The following KCNJ6 variants were observed in gnomAD, a reference collection of about 807,000 sequenced individuals.
The protein encoded by KCNJ6 is potassium inwardly rectifying channel subfamily J member 6, also known as G protein-activated inward rectifier potassium channel 2.
KCNJ6 carries 9 observed loss-of-function variants against 34.2 expected under a neutral mutation model. The observed-to-expected ratio is 0.26, with a 90% CI of 0.16 to 0.46. The LOEUF (loss-of-function observed/expected upper bound fraction) is 0.46, where lower values mean the gene tolerates loss of function less well. KCNJ6 is among the 20% of genes least tolerant of loss of function. The pLI is 1.00. For missense variants in KCNJ6, 236 were observed against 531.3 expected, an observed-to-expected ratio of 0.44 and a Z score of 5.46; for synonymous variants, 196 against 207.1, an observed-to-expected ratio of 0.95 and a Z score of 0.46.
At chr21:37,721,056 T>C (rs2054823882) in intron 2 of KCNJ6, among the ~76,000 whole-genome samples, 1 of 152,092 alleles carries the variant, frequency 6.6e-6, no homozygotes, top group African/African-American at 2.4e-5. Context: ...GGATCCAGAA[T>C]ATATAAAGAA....
chr21:37,717,696 C>T (rs1288367868), intron 2 of KCNJ6, among the ~76,000 whole-genome samples: 1 of 152,224 alleles, frequency 6.6e-6, no homozygotes, highest in Non-Finnish European at 1.5e-5. Context: ...GCGAAGGGTC[C>T]AGCAGGCCTG....
chr21:37,756,893 C>T (rs372649830), intron 2 of KCNJ6, among the ~76,000 whole-genome samples: 760 of 76,532 alleles, frequency 9.9e-3, no homozygotes, highest in South Asian at 0.013. Flanking sequence ...GTGAGCACTC[C>T]CTCACAGCGT....
chr21:37,661,549 G>A lies in KCNJ6; in HGVS notation c.947-36065C>T, dbSNP rs897206209. On this transcript the variant is annotated intron_variant, in intron 3 of 3. Coordinates refer to ENST00000609713, the MANE Select transcript of KCNJ6 (RefSeq NM_002240.5). ...GAATCCTGCCTTAGACTACCAGTAA[G>A]TCATATTAATCTATAGCTACATGTA... Among the ~76,000 whole-genome samples the A allele has an allele frequency of 5.1e-4, 73 of 144,414 alleles. 1 individual carries two copies. Among genetic ancestry groups the A allele is most frequent in the African/African-American group, 1.7e-3 (68 of 39,480 alleles). 94.7% of individuals were successfully genotyped at this position (144,414 alleles called of 152,430 possible).
At chr21:37,673,794 G>A (rs573283993) in intron 3 of KCNJ6, among the ~76,000 whole-genome samples, 1 of 152,350 alleles carries the variant, frequency 6.6e-6, no homozygotes, top group African/African-American at 2.4e-5. Flanking sequence ...TTTGAAGGAT[G>A]AGTAGGAGTT....
At chr21:37,767,495 C>T (rs1004699145) in intron 2 of KCNJ6, among the ~76,000 whole-genome samples, 1 of 152,152 alleles carries the variant, frequency 6.6e-6, no homozygotes, top group Non-Finnish European at 1.5e-5. Flanking sequence ...GAGGCTGGGC[C>T]ACACTTGGGA....
intron 2 of KCNJ6, among the ~76,000 whole-genome samples, chr21:37,718,124 CCATCTGGAGTTGAGTGTGT>C (rs1192745892): frequency 6.6e-6 from 1 of 152,132 alleles, no homozygotes; most frequent in Non-Finnish European, 1.5e-5. Context: ...GAGTCTTGGC[CCATCTGGAGTTGAGTGTGT>C]CTTCCTGGGC....
intron 2 of KCNJ6, among the ~76,000 whole-genome samples, chr21:37,748,098 C>T (rs1601451452): frequency 2.0e-5 from 3 of 152,276 alleles, no homozygotes; most frequent in East Asian, 1.9e-4. Context: ...CCCCTCCACA[C>T]GTTTTATGGA....
intron 3 of KCNJ6, among the ~76,000 whole-genome samples, chr21:37,651,974 G>T (rs1472566664): frequency 6.6e-6 from 1 of 152,150 alleles, no homozygotes; most frequent in Non-Finnish European, 1.5e-5. Flanking sequence ...TGAGTCTTTA[G>T]GTTAGAGGTA....
intron 1 of KCNJ6, among the ~76,000 whole-genome samples, chr21:37,885,625 T>C (rs12053719): frequency 0.24 from 35,948 of 152,070 alleles, 5,475 homozygotes; most frequent in African/African-American, 0.42. Flanking sequence ...GAGACAGCAG[T>C]CCCAGGAGGG....
chr21:37,659,277 G>A (rs1054060634), intron 3 of KCNJ6, among the ~76,000 whole-genome samples: 8 of 152,158 alleles, frequency 5.3e-5, no homozygotes, highest in South Asian at 2.1e-4. Context: ...TCCTGACCAC[G>A]AACTGAGCAC....
rs528266554 is a variant in KCNJ6 at position 37,708,559 on chromosome 21, G to A, written c.946+5652C>T. On this transcript the variant is annotated intron_variant, in intron 3 of 3. Transcript: ENST00000609713. ...TTTACGGGTGGCAGATTTTGACCTAGGAAAAACATATTCCATATGTCTTTA... is the reference window on the plus strand; with the variant it reads ...TTTACGGGTGGCAGATTTTGACCTAAGAAAAACATATTCCATATGTCTTTA... 8.6e-4 allele frequency among the ~76,000 whole-genome samples: 4 copies of A among 4,674 alleles called. No homozygotes were observed. In the East Asian group the frequency reaches 0.022, roughly 25 times the overall value. 3.1% of individuals were successfully genotyped at this position (4,674 alleles called of 152,430 possible). A position where few individuals can be genotyped will look rare whatever the true frequency, so the allele number is the denominator to read the frequency against.
chr21:37,743,515 CT>C (rs1447507830), intron 2 of KCNJ6, among the ~76,000 whole-genome samples: 2 of 152,130 alleles, frequency 1.3e-5, no homozygotes, highest in African/African-American at 4.8e-5. Flanking sequence ...GGGCTCCCCC[CT>C]CACGGATGGA....
intron 1 of KCNJ6, among the ~76,000 whole-genome samples, chr21:37,865,168 G>C (rs2055616349): frequency 6.6e-6 from 1 of 152,154 alleles, no homozygotes; most frequent in South Asian, 2.1e-4. Context: ...AGAAAAGCTG[G>C]AGGCCCTATT....
intron 2 of KCNJ6, among the ~76,000 whole-genome samples, chr21:37,827,546 CT>C (rs1393351002): frequency 1.3e-5 from 2 of 151,130 alleles, no homozygotes; most frequent in Non-Finnish European, 2.9e-5. Flanking sequence ...AACCTCGAGT[CT>C]TTAAAAGGGT....
chr21:37,810,999 A>G (rs2123542541), intron 2 of KCNJ6, among the ~76,000 whole-genome samples: 1 of 152,314 alleles, frequency 6.6e-6, no homozygotes, highest in Admixed American at 6.5e-5. Context: ...TCAAACCATG[A>G]TTAAAAGCTT....
At chr21:37,671,766 G>A (rs1364457154) in intron 3 of KCNJ6, among the ~76,000 whole-genome samples, 4 of 152,202 alleles carry the variant, frequency 2.6e-5, no homozygotes, top group African/African-American at 9.6e-5. Context: ...CTGCAGCACT[G>A]GTTGTTGTTG....
chr21:37,651,972 T>G (rs1182684312), intron 3 of KCNJ6, among the ~76,000 whole-genome samples: 1 of 152,176 alleles, frequency 6.6e-6, no homozygotes, highest in African/African-American at 2.4e-5. Flanking sequence ...GATGAGTCTT[T>G]AGGTTAGAGG....
intron 3 of KCNJ6, among the ~76,000 whole-genome samples, chr21:37,690,448 C>T (rs545485306): frequency 2.0e-5 from 3 of 152,276 alleles, no homozygotes; most frequent in African/African-American, 7.2e-5. Flanking sequence ...AGATTTTCAC[C>T]TCCAGCCAAT....
intron 2 of KCNJ6, among the ~76,000 whole-genome samples, chr21:37,835,425 C>G (rs1245404936): frequency 6.6e-6 from 1 of 152,162 alleles, no homozygotes; most frequent in Non-Finnish European, 1.5e-5. Flanking sequence ...AACCATGTGG[C>G]AAGACTTCCT....
Sources: allele counts gnomAD v4.1 joint callset (sites outside exome capture counted in the v4.1 genomes callset), GRCh38; gene constraint gnomAD v4.1.1; transcripts MANE v1.5; gene names NCBI Gene and HGNC (gene_info 2026-07-23, HGNC 2026-07-21).